GRM4: variants seen among roughly 807,000 people sequenced by gnomAD.
GRM4 encodes glutamate metabotropic receptor 4, also known as metabotropic glutamate receptor 4.
GRM4 carries 28 observed loss-of-function variants against 81.7 expected under a neutral mutation model. That is an observed-to-expected ratio of 0.34 (90% CI 0.25 to 0.47). The LOEUF is 0.47. GRM4 is among the 20% of genes least tolerant of loss of function. The pLI, the probability that GRM4 is intolerant of heterozygous loss-of-function variation, is 1.00. For synonymous variants in GRM4, 488 were observed against 528.8 expected, an observed-to-expected ratio of 0.92 and a Z score of 1.06; for missense variants, 948 against 1,290.0, an observed-to-expected ratio of 0.73 and a Z score of 4.06.
chr6:34,070,139 G>A lies in GRM4; in HGVS notation c.737-8111C>T, dbSNP rs533771245. 8.5e-5 allele frequency among the ~76,000 whole-genome samples: 13 copies of A among 152,154 alleles called. No homozygotes were observed. Among genetic ancestry groups the A allele is most frequent in the East Asian group, 5.8e-4 (3 of 5,142 alleles). ...GGTGAACACTCGCACCTGCTCACAC[G>A]CTCCCATCCCCTCGGTGACCTCCCC... is the stretch of plus-strand genomic sequence containing the variant. On this transcript the variant is annotated intron_variant, in intron 3 of 10. Transcript: ENST00000538487. The surrounding 1 kb of genome is among the most constrained non-coding windows in gnomAD (Gnocchi z 4.6).
At chr6:34,081,667 C>T (rs1767604033) in intron 3 of GRM4, among the ~76,000 whole-genome samples, 1 of 152,226 alleles carries the variant, frequency 6.6e-6, no homozygotes, top group Non-Finnish European at 1.5e-5. Context: ...ACGCAGGCTG[C>T]TGGACATCCC....
In GRM4 at chr6:34,040,066, G is replaced by A. The variant is rs557925271; in HGVS notation, c.1506+112C>T. On this transcript the variant is annotated intron_variant, in intron 8 of 10. Coordinates refer to ENST00000538487, the MANE Select transcript of GRM4 (RefSeq NM_000841.4). ...CTGGGAAGGAAGCCCCAGCCTGGCA[G>A]CAGCGGTCCTGGAGGTCAGGGCTAA... 15 of 1,036,546 alleles carry A rather than the reference G, an allele frequency of 1.4e-5. No homozygotes were observed. In the South Asian group the frequency reaches 2.2e-4, roughly 15 times the overall value. The allele number at this position is 1,036,546 out of a possible 1,614,324, so 64.2% of individuals were successfully genotyped here.
chr6:34,046,305 T>A (rs1442622875), intron 6 of GRM4, among the ~76,000 whole-genome samples: 1 of 152,212 alleles, frequency 6.6e-6, no homozygotes, highest in Non-Finnish European at 1.5e-5. Flanking sequence ...AACACAGATG[T>A]ACATATAAAT....
intron 6 of GRM4, among the ~76,000 whole-genome samples, chr6:34,046,884 C>T (rs182422566): frequency 3.3e-4 from 50 of 152,286 alleles, no homozygotes; most frequent in African/African-American, 1.1e-3. Flanking sequence ...CAAATATACA[C>T]CTACACCCGT....
intron 5 of GRM4, among the ~76,000 whole-genome samples, chr6:34,058,246 G>A (rs1458056184): frequency 6.6e-6 from 1 of 152,140 alleles, no homozygotes; most frequent in Non-Finnish European, 1.5e-5. Flanking sequence ...AGGGCTAGAA[G>A]GCGCCATGGG....
intron 3 of GRM4, among the ~76,000 whole-genome samples, chr6:34,079,561 A>T (rs1001099996): frequency 5.3e-5 from 8 of 152,154 alleles, no homozygotes; most frequent in Non-Finnish European, 1.2e-4. Context: ...ACCAAGGGGA[A>T]GAGACTGCAC....
intron 10 of GRM4, chr6:34,024,553 C>G (rs528121897): frequency 1.2e-5 from 5 of 406,884 alleles, no homozygotes; most frequent in Non-Finnish European, 2.5e-5. Context: ...GTCCAACTAT[C>G]AGTCTATCAC....
At chr6:34,100,575 C>T (rs1449887791) in intron 2 of GRM4, among the ~76,000 whole-genome samples, 1 of 152,232 alleles carries the variant, frequency 6.6e-6, no homozygotes, top group East Asian at 1.9e-4. Context: ...ACTCACTTGA[C>T]CAGGGTTTAC....
At chr6:34,137,237 C>T (rs1770497902) in intron 1 of GRM4, among the ~76,000 whole-genome samples, 1 of 152,226 alleles carries the variant, frequency 6.6e-6, no homozygotes, top group Admixed American at 6.5e-5. Flanking sequence ...CACCCTCTCC[C>T]AGTCTCTCTC....
intron 3 of GRM4, among the ~76,000 whole-genome samples, chr6:34,087,141 A>G (rs1169700233): frequency 6.6e-6 from 1 of 150,720 alleles, no homozygotes; most frequent in Non-Finnish European, 1.5e-5. Context: ...AAAAAAGGCC[A>G]GGCATGGTGG....
rs900181671 is a variant in GRM4 at position 34,144,650 on chromosome 6, G to A, written c.-364+1350C>T. Among the ~76,000 whole-genome samples the A allele has an allele frequency of 2.0e-5, 3 of 152,226 alleles. No homozygotes were observed. The South Asian group carries it at 6.2e-4, about 32-fold the overall frequency. The stretch of plus-strand genomic sequence containing the variant: ...AAAGGAGCCGAGGCGCGCGAGGCTG[G>A]GTGCCCTCCCGCCGGGAGACTGCCG... On this transcript the variant is annotated intron_variant, in intron 1 of 10. Coordinates refer to ENST00000538487, the MANE Select transcript of GRM4 (RefSeq NM_000841.4).
At chr6:34,109,288 C>T (rs914348808) in intron 2 of GRM4, among the ~76,000 whole-genome samples, 2 of 152,226 alleles carry the variant, frequency 1.3e-5, no homozygotes, top group East Asian at 1.9e-4. Context: ...AGCTGACCCA[C>T]TCTGAGAGGG....
rs928326427 is a variant in GRM4 at position 34,115,437 on chromosome 6, A to G, written c.519+17541T>C. Among the ~76,000 whole-genome samples, 1 of 152,042 alleles carries G rather than the reference A, an allele frequency of 6.6e-6. No homozygotes were observed. Among genetic ancestry groups the G allele is most frequent in the Non-Finnish European group, 1.5e-5 (1 of 67,994 alleles). On this transcript the variant is annotated intron_variant, in intron 2 of 10. Transcript: ENST00000538487. The surrounding 1 kb of genome is among the most constrained non-coding windows in gnomAD (Gnocchi z 4.1). ...CCGGCCACATGCCCAACTCCCACCA[A>G]AACTGGCAGGAGCGCACCCCCTGGG... is the stretch of plus-strand genomic sequence containing the variant.
intron 3 of GRM4, among the ~76,000 whole-genome samples, chr6:34,087,839 C>CACACACACACACGT (rs1767992765): frequency 6.6e-6 from 1 of 151,666 alleles, no homozygotes; most frequent in Non-Finnish European, 1.5e-5. Context: ...CACACACACA[C>CACACACACACACGT]ACGTCCTGGC....
chr6:34,093,278 T>A (rs1476604006), intron 2 of GRM4, among the ~76,000 whole-genome samples: 4 of 152,152 alleles, frequency 2.6e-5, no homozygotes, highest in African/African-American at 4.8e-5. Flanking sequence ...GCCTAGTGTG[T>A]CCCTATCCCT....
chr6:34,098,975 C>T (rs558976573), intron 2 of GRM4, among the ~76,000 whole-genome samples: 23 of 152,142 alleles, frequency 1.5e-4, no homozygotes, highest in Non-Finnish European at 2.6e-4. Flanking sequence ...CTCACCTGCA[C>T]CTCCCCAGGG....
chr6:34,031,137 G>T (rs1172956128), intron 9 of GRM4, among the ~76,000 whole-genome samples: 1 of 152,210 alleles, frequency 6.6e-6, no homozygotes, highest in Non-Finnish European at 1.5e-5. Context: ...CTCCCGAGGG[G>T]CTGAACCCAG....
At chr6:34,109,302 C>G (rs1218774404) in intron 2 of GRM4, among the ~76,000 whole-genome samples, 3 of 152,186 alleles carry the variant, frequency 2.0e-5, no homozygotes, top group Non-Finnish European at 4.4e-5. Context: ...GAGAGGGAAG[C>G]CCCTCGTTGA....
chr6:34,053,616 G>A (rs1304452873), intron 6 of GRM4, among the ~76,000 whole-genome samples: 5 of 152,160 alleles, frequency 3.3e-5, no homozygotes, highest in Middle Eastern at 3.2e-3. Context: ...TGTTTAGGGC[G>A]CACGCCTGAT....
Sources: gnomAD v4.1 joint callset for allele counts (sites outside exome capture counted in the v4.1 genomes callset) on GRCh38, gnomAD v4.1.1 for gene constraint, Gnocchi (gnomAD v3.1) non-coding constraint, MANE v1.5 for transcripts, NCBI Gene and HGNC (gene_info 2026-07-23, HGNC 2026-07-21) for gene names.